Variants in AHI1 observed in about 807,000 individuals in gnomAD.
AHI1 encodes the protein Abelson helper integration site 1.
Under a neutral mutation model 149.3 loss-of-function variants are expected in AHI1, and 123 were observed. The ratio of observed to expected loss-of-function variants is 0.82; its 90% CI spans 0.71 to 0.96. AHI1 has a LOEUF of 0.96. Ranked by LOEUF, AHI1 falls within the 40% of genes least tolerant of loss-of-function variation. The pLI, the probability that AHI1 is intolerant of heterozygous loss-of-function variation, is 0.00. For missense variants in AHI1, 1,439 were observed against 1,422.7 expected, an observed-to-expected ratio of 1.01 and a Z score of -0.18; for synonymous variants, 475 against 459.8, an observed-to-expected ratio of 1.03 and a Z score of -0.42.
intron 23 of AHI1, among the ~76,000 whole-genome samples, chr6:135,358,861 T>C (rs1793408186): frequency 6.6e-6 from 1 of 152,262 alleles, no homozygotes; most frequent in South Asian, 2.1e-4. Flanking sequence ...TCTGTAAAGA[T>C]ACTGGTTCAA....
At chr6:135,364,636 T>TCC (rs1172759119) in intron 23 of AHI1, among the ~76,000 whole-genome samples, 2 of 151,870 alleles carry the variant, frequency 1.3e-5, no homozygotes, top group Non-Finnish European at 2.9e-5. Context: ...CCGTCTGCAA[T>TCC]CCCGGCACCT....
intron 23 of AHI1, among the ~76,000 whole-genome samples, chr6:135,376,921 A>C (rs987904208): frequency 7.8e-5 from 10 of 128,690 alleles, no homozygotes; most frequent in Non-Finnish European, 1.3e-4. Context: ...AAAAAAAAAA[A>C]GTTGGTCCAG....
At chr6:135,493,858 C>G (rs993839068) in intron 3 of AHI1, among the ~76,000 whole-genome samples, 2 of 152,126 alleles carry the variant, frequency 1.3e-5, no homozygotes, top group Admixed American at 1.3e-4. Flanking sequence ...GTCTGGCCAA[C>G]ATGGTAAAAC....
chr6:135,301,490 T>C lies in AHI1; in HGVS notation c.3427-932A>G, dbSNP rs1454287208. On this transcript the variant is annotated intron_variant, in intron 26 of 28. Coordinates refer to ENST00000265602, the MANE Select transcript of AHI1 (RefSeq NM_001134831.2). ...TGTTTGGCCTTTTTAGATTTCCTTC[T>C]TCACAATCAGATTTCTGCAAGATCA... 3.0e-6 allele frequency: 3 copies of C among 985,346 alleles called. No individual in the cohort carries two copies. The African/African-American group carries it at 5.2e-5, about 17-fold the overall frequency. 61.0% of individuals were successfully genotyped at this position (985,346 alleles called of 1,614,324 possible).
chr6:135,396,061 G>A (rs953783849), intron 22 of AHI1, among the ~76,000 whole-genome samples: 9 of 151,578 alleles, frequency 5.9e-5, no homozygotes, highest in African/African-American at 1.7e-4. Flanking sequence ...CTTAGTTTAG[G>A]TTTTTCTCTT....
chr6:135,382,029 A>C (rs1181227271), intron 23 of AHI1, among the ~76,000 whole-genome samples: 1 of 152,240 alleles, frequency 6.6e-6, no homozygotes, highest in Non-Finnish European at 1.5e-5. Context: ...AAAGGATGGA[A>C]ACCAGTTAGA....
intron 23 of AHI1, among the ~76,000 whole-genome samples, chr6:135,385,584 T>C (rs1010934065): frequency 3.9e-5 from 6 of 152,196 alleles, no homozygotes; most frequent in Non-Finnish European, 8.8e-5. Context: ...GGAAAACGAT[T>C]AGAAACATCT....
chr6:135,293,058 G>A (rs1284417253), intron 27 of AHI1, among the ~76,000 whole-genome samples: 1 of 152,148 alleles, frequency 6.6e-6, no homozygotes, highest in African/African-American at 2.4e-5. Context: ...ACACCACTAA[G>A]TAGGTTTTAT....
chr6:135,337,054 T>C (rs934357420), intron 24 of AHI1, among the ~76,000 whole-genome samples: 2 of 152,174 alleles, frequency 1.3e-5, no homozygotes, highest in African/African-American at 4.8e-5. Context: ...TTCTCCCACG[T>C]CTATGCTCTT....
intron 26 of AHI1, among the ~76,000 whole-genome samples, chr6:135,310,756 ATAATC>A (rs1785088844): frequency 6.6e-6 from 1 of 152,244 alleles, no homozygotes. Flanking sequence ...ATCTTCAAAA[ATAATC>A]TAACATTTCT....
chr6:135,450,280 G>A (rs1037857256), intron 11 of AHI1, among the ~76,000 whole-genome samples: 2 of 152,116 alleles, frequency 1.3e-5, no homozygotes, highest in African/African-American at 4.8e-5. Context: ...ACTAAAAAAT[G>A]TTCAATATAT....
Position 135,465,686 on chromosome 6 carries a change from A to G in AHI1, c.749+128T>C, listed in dbSNP as rs536536094. 6.8e-6 allele frequency: 5 copies of G among 734,546 alleles called. No individual in the cohort carries two copies. In the African/African-American group the frequency reaches 9.1e-5, roughly 13 times the overall value. The allele number at this position is 734,546 out of a possible 1,614,324, so 45.5% of individuals were successfully genotyped here. On this transcript the variant is annotated intron_variant, in intron 7 of 28. Transcript: ENST00000265602. Reference sequence around the variant, plus strand: ...TGTTATGTAAAAGTTAGCTGTTCTTATCTTAGTGACAATGTCTCCAAATAA... The same window carrying G: ...TGTTATGTAAAAGTTAGCTGTTCTTGTCTTAGTGACAATGTCTCCAAATAA...
chr6:135,350,525 G>A (rs1791922960), intron 24 of AHI1, among the ~76,000 whole-genome samples: 1 of 152,126 alleles, frequency 6.6e-6, no homozygotes, highest in Non-Finnish European at 1.5e-5. Flanking sequence ...GATGGACATA[G>A]TCCATGCTGT....
rs201114457 is a variant in AHI1, at chr6:135,305,471, C to CTAT, written c.3427-4916_3427-4914dup. 7.2e-5 allele frequency among the ~76,000 whole-genome samples: 11 copies of CTAT among 152,320 alleles called. No individual in the cohort carries two copies. The East Asian group carries it at 2.1e-3, about 29-fold the overall frequency. On this transcript the variant is annotated intron_variant, in intron 26 of 28. Coordinates refer to ENST00000265602, the MANE Select transcript of AHI1 (RefSeq NM_001134831.2). ...TATCTGCAATTGGTTGTTGCAGGTG[C>CTAT]TATGAACTTTACATGTCTCAAATTG... is the stretch of plus-strand genomic sequence containing the variant.
chr6:135,387,985 T>C (rs752001838), intron 23 of AHI1: 2 of 1,613,816 alleles, frequency 1.2e-6, no homozygotes, highest in Non-Finnish European at 1.7e-6. Flanking sequence ...CTGAGTCTAG[T>C]GCTTTTTCCA....
intron 5 of AHI1, among the ~76,000 whole-genome samples, chr6:135,470,989 C>CTTGACATAATTCAATGACATAAAT (rs1791599129): frequency 6.6e-6 from 1 of 151,962 alleles, no homozygotes; most frequent in African/African-American, 2.4e-5. Context: ...TTATTCATAC[C>CTTGACATAATTCAATGACATAAAT]TCAATAACCT....
chr6:135,438,573 ATAT>A, intron 14 of AHI1, 75 bp from the exon 15 acceptor site: 1 of 1,209,834 alleles, frequency 8.3e-7, no homozygotes, highest in Non-Finnish European at 1.1e-6. Context: ...ATATAATTTA[ATAT>A]TATTTAGACA....
chr6:135,346,904 A>C (rs1397467381), intron 24 of AHI1, among the ~76,000 whole-genome samples: 1 of 152,136 alleles, frequency 6.6e-6, no homozygotes, highest in Non-Finnish European at 1.5e-5. Flanking sequence ...CTTCCCACCA[A>C]ACCCCAAGAT....
chr6:135,300,916 TC>T (rs1783795146), intron 26 of AHI1: 2 of 1,000,408 alleles, frequency 2.0e-6, no homozygotes, highest in Admixed American at 1.1e-4. Context: ...TTAGCCTGCA[TC>T]TTTCCTTCAT....
Sources: allele counts gnomAD v4.1 joint callset (sites outside exome capture counted in the v4.1 genomes callset), GRCh38; gene constraint gnomAD v4.1.1; transcripts MANE v1.5; gene names NCBI Gene and HGNC (gene_info 2026-07-23, HGNC 2026-07-21).